Variants in GNL3L observed in about 807,000 individuals in gnomAD.
The protein encoded by GNL3L is guanine nucleotide-binding protein-like 3-like protein.
GNL3L carries 4 observed loss-of-function variants against 42.9 expected under a neutral mutation model. That is an observed-to-expected ratio of 0.09 (90% CI 0.05 to 0.21). GNL3L has a LOEUF of 0.21. GNL3L is among the 10% of genes least tolerant of loss of function. GNL3L has a pLI of 1.00. For missense variants in GNL3L, 412 were observed against 481.7 expected (o/e 0.86, Z 1.36); for synonymous variants, 159 against 176.3 (o/e 0.90, Z 0.78).
chrX:54,605,091 G>T (rs1454419762), intron 16 of GNL3L, among the ~76,000 whole-genome samples: 2 of 111,209 alleles, frequency 1.8e-5, no homozygotes, highest in Non-Finnish European at 3.8e-5. Flanking sequence ...AGTAAGGGAT[G>T]AAGGCTGCTT....
chrX:54,607,054 TTC>T (rs1341741261), intron 16 of GNL3L, among the ~76,000 whole-genome samples: 1 of 66,679 alleles, frequency 1.5e-5, no homozygotes, highest in Non-Finnish European at 2.6e-5. Flanking sequence ...CTTTCTTTCT[TTC>T]TTTCTTTCTT....
downstream of GNL3L, among the ~76,000 whole-genome samples, chrX:54,570,153 C>T (rs1053401330): frequency 1.8e-5 from 2 of 111,695 alleles, no homozygotes; most frequent in South Asian, 3.7e-4. Context: ...AGAGGACTAT[C>T]GAAGTCCCCA....
rs771025149 is a variant in GNL3L at position 54,593,908 on chromosome X, C to T, written c.*46-26937C>T. Among the ~76,000 whole-genome samples the T allele has an allele frequency of 3.8e-4, 42 of 111,484 alleles. No individual in the cohort carries two copies. The South Asian group carries it at 0.011, about 30-fold the overall frequency. ...TAATTTTCATGTCTTTATATAGTTT[C>T]CAAAATTCCCCTTTTTATTGATTTC... is the stretch of plus-strand genomic sequence containing the variant. On this transcript the variant is annotated intron_variant, in intron 16 of 16. Transcript: ENST00000674498.
chrX:54,594,554 TA>T (rs556879366), intron 16 of GNL3L, among the ~76,000 whole-genome samples: 3 of 104,865 alleles, frequency 2.9e-5, no homozygotes, highest in South Asian at 4.2e-4. Context: ...TTTTTTTTTT[TA>T]AAAAAAAATC....
chrX:54,541,457 GGAA>G (rs1924614324), intron 5 of GNL3L, 68 bp downstream of exon 5: 1 of 649,433 alleles, frequency 1.5e-6, no homozygotes, highest in Admixed American at 2.3e-5. Flanking sequence ...TCTGTGAAAG[GGAA>G]GAAGGTGTGA....
intron 16 of GNL3L, among the ~76,000 whole-genome samples, chrX:54,577,370 T>C (rs1415500531): frequency 8.9e-6 from 1 of 112,165 alleles, no homozygotes; most frequent in Non-Finnish European, 1.9e-5. Flanking sequence ...TGCATATCCA[T>C]TGTGAAATGA....
chrX:54,644,752 T>A, the GNL3L span, among the ~76,000 whole-genome samples: 5 of 112,013 alleles, frequency 4.5e-5, no homozygotes, highest in African/African-American at 6.5e-5. Flanking sequence ...CACATACTTA[T>A]TCTTCCAGGT....
intron 14 of GNL3L, 94 bp downstream of exon 14, chrX:54,554,786 G>T (rs1025240620): frequency 2.0e-4 from 161 of 816,377 alleles, no homozygotes; most frequent in Non-Finnish European, 2.6e-4. Context: ...GTGGTGAGAT[G>T]TGGGTAGTTC....
At chrX:54,642,285 C>CT in the GNL3L span, among the ~76,000 whole-genome samples, 7 of 111,419 alleles carry the variant, frequency 6.3e-5, no homozygotes, top group African/African-American at 3.3e-5. Flanking sequence ...TTCTCTTAAT[C>CT]TTTTTTTTAA....
chrX:54,621,545 A>G (rs1257063758), downstream of GNL3L, among the ~76,000 whole-genome samples: 2 of 112,132 alleles, frequency 1.8e-5, no homozygotes, highest in African/African-American at 3.2e-5. Context: ...GAAAAATAAA[A>G]TGATTGTTTT....
exon 17 of GNL3L, among the ~76,000 whole-genome samples, chrX:54,621,196 G>A (rs966578030): frequency 8.9e-6 from 1 of 111,997 alleles, no homozygotes; most frequent in Non-Finnish European, 1.9e-5. Context: ...AGAAATGATG[G>A]CTGTGTGACC....
At chrX:54,542,905 G>C in intron 5 of GNL3L, 50 bp from the exon 6 acceptor site, 1 of 782,123 alleles carries the variant, frequency 1.3e-6, no homozygotes, top group East Asian at 3.2e-5. Context: ...TCTCTTTCTC[G>C]CTCTCTCCCC....
At chrX:54,578,909 C>T (rs1221070208) in intron 16 of GNL3L, among the ~76,000 whole-genome samples, 1 of 111,795 alleles carries the variant, frequency 8.9e-6, no homozygotes, top group African/African-American at 3.3e-5. Flanking sequence ...TTAACTTTAC[C>T]CATTTTAATA....
chrX:54,575,651 G>A (rs772239246), intron 16 of GNL3L, among the ~76,000 whole-genome samples: 34 of 111,367 alleles, frequency 3.1e-4, no homozygotes, highest in Middle Eastern at 4.7e-3. Context: ...GGAGAATGGC[G>A]TGAACCCGGT....
At position 54,539,061 on chromosome X, in the gene GNL3L, G is replaced by T. The variant is rs142270401; in HGVS notation, c.41G>T (p.Gly14Val). 1.2e-5 allele frequency: 14 copies of T among 1,161,587 alleles called. No homozygotes were observed. Among genetic ancestry groups the T allele is most frequent in the South Asian group, 3.7e-5 (2 of 53,690 alleles). Residue 14 changes from glycine (G) to valine (V), a missense_variant, in exon 3 of 16, where the codon GGT becomes GTT. Coordinates refer to ENST00000360845, the MANE Select transcript of GNL3L (RefSeq NM_001184819.2). ...GTAGAAAATAAAAAGCCAGGTGAAG[G>T]TTCCAAGGGCCACAAGAAGATAAGT... ...LRHKNKKPGE[G>V]SKGHKKISWP...
At chrX:54,596,823 T>C (rs759924123) in intron 16 of GNL3L, among the ~76,000 whole-genome samples, 2 of 111,821 alleles carry the variant, frequency 1.8e-5, no homozygotes, top group Non-Finnish European at 3.8e-5. Flanking sequence ...GCTTATCCCA[T>C]AGCCACTGTC....
chrX:54,630,697 CCTTTCTTTCTT>C, the GNL3L span, among the ~76,000 whole-genome samples: 1 of 5,813 alleles, frequency 1.7e-4, no homozygotes. Flanking sequence ...TTCCTTCCTT[CCTTTCTTTCTT>C]TTTCTTTCTT....
intron 16 of GNL3L, among the ~76,000 whole-genome samples, chrX:54,582,065 G>A (rs2147515452): frequency 8.9e-6 from 1 of 112,093 alleles, no homozygotes; most frequent in African/African-American, 3.2e-5. Flanking sequence ...TTGATCCCCA[G>A]TGTTGGAGGT....
chrX:54,549,756 A>G (rs1405462762), intron 9 of GNL3L, among the ~76,000 whole-genome samples: 1 of 112,166 alleles, frequency 8.9e-6, no homozygotes, highest in Non-Finnish European at 1.9e-5. Context: ...ATACACTTTG[A>G]CCCTCGAACA....
Sources: gnomAD v4.1 joint callset for allele counts (sites outside exome capture counted in the v4.1 genomes callset) on GRCh38, gnomAD v4.1.1 for gene constraint, MANE v1.5 for transcripts, NCBI Gene and HGNC (gene_info 2026-07-23, HGNC 2026-07-21) for gene names.